The following SNX3 variants were observed in gnomAD, a reference collection of about 807,000 sequenced individuals.
SNX3 encodes sorting nexin-3.
Under a neutral mutation model 17.7 loss-of-function variants are expected in SNX3, and 5 were observed. The ratio of observed to expected loss-of-function variants is 0.28; its 90% confidence interval spans 0.15 to 0.59. The LOEUF is 0.59. SNX3 is among the 20% of genes least tolerant of loss of function. The pLI is 0.88. For missense variants in SNX3, 132 were observed against 206.8 expected, an observed-to-expected ratio of 0.64 and a Z score of 2.22; for synonymous variants, 91 against 76.5, an observed-to-expected ratio of 1.19 and a Z score of -0.99.
intron 1 of SNX3, among the ~76,000 whole-genome samples, chr6:108,230,716 T>C (rs1775120202): frequency 1.3e-5 from 2 of 152,160 alleles, no homozygotes; most frequent in South Asian, 4.1e-4. Flanking sequence ...ATAATCTGGA[T>C]AGCTCTCAAG....
chr6:108,253,841 G>A (rs1775945024), intron 1 of SNX3, among the ~76,000 whole-genome samples: 1 of 151,992 alleles, frequency 6.6e-6, no homozygotes, highest in Non-Finnish European at 1.5e-5. Context: ...AACCACCACT[G>A]CCGGCCGGGC....
chr6:108,241,101 G>A (rs900679107), intron 1 of SNX3, among the ~76,000 whole-genome samples: 9 of 129,346 alleles, frequency 7.0e-5, no homozygotes, highest in Non-Finnish European at 1.2e-4. Flanking sequence ...ACGATTGCGC[G>A]CCACTGCACT....
chr6:108,221,532 CTTTTTTTTTTTTTTTTT>C (rs554429322), intron 2 of SNX3, among the ~76,000 whole-genome samples: 28 of 57,778 alleles, frequency 4.8e-4, no homozygotes, highest in Admixed American at 2.6e-3. Context: ...CAGTATTACA[CTTTTTTTTTTTTTTTTT>C]TTTTTTTTTT....
intron 1 of SNX3, among the ~76,000 whole-genome samples, chr6:108,254,997 A>C (rs1200528437): frequency 6.6e-6 from 1 of 152,164 alleles, no homozygotes; most frequent in Non-Finnish European, 1.5e-5. Flanking sequence ...AATATTATCT[A>C]CTCTGCTTGG....
chr6:108,216,668 A>T (rs1774589732), intron 2 of SNX3, among the ~76,000 whole-genome samples: 1 of 152,238 alleles, frequency 6.6e-6, no homozygotes. Flanking sequence ...CAAATTACAC[A>T]TATTCAAAAA....
At chr6:108,258,721 C>A (rs937553176) in intron 1 of SNX3, among the ~76,000 whole-genome samples, 1 of 152,090 alleles carries the variant, frequency 6.6e-6, no homozygotes, top group African/African-American at 2.4e-5. Flanking sequence ...GTTGCCCAGG[C>A]TGGTCTCAAA....
At chr6:108,237,315 A>C (rs527383972) in intron 1 of SNX3, among the ~76,000 whole-genome samples, 16 of 152,100 alleles carry the variant, frequency 1.1e-4, no homozygotes, top group Admixed American at 3.9e-4. Flanking sequence ...TGAGTTGCAG[A>C]GTTTGTAAGA....
chr6:108,234,983 T>C (rs944553776), intron 1 of SNX3, among the ~76,000 whole-genome samples: 3 of 152,212 alleles, frequency 2.0e-5, no homozygotes, highest in African/African-American at 7.2e-5. Flanking sequence ...AGACTATAAA[T>C]GTTAAGTCTT....
chr6:108,219,947 C>T (rs1243437882), intron 2 of SNX3, among the ~76,000 whole-genome samples: 1 of 152,036 alleles, frequency 6.6e-6, no homozygotes, highest in African/African-American at 2.4e-5. Flanking sequence ...TCTTGGTGAT[C>T]CTGACTCTGT....
chr6:108,220,100 G>C (rs1378597874), intron 2 of SNX3, among the ~76,000 whole-genome samples: 2 of 152,112 alleles, frequency 1.3e-5, no homozygotes, highest in African/African-American at 4.8e-5. Context: ...TTTAAGCTAA[G>C]TGTTATTACA....
chr6:108,250,873 T>A (rs145032380), intron 1 of SNX3, among the ~76,000 whole-genome samples: 6 of 152,348 alleles, frequency 3.9e-5, no homozygotes, highest in Non-Finnish European at 8.8e-5. Flanking sequence ...ACCATTCCAA[T>A]ACTGCTGGAC....
intron 1 of SNX3, among the ~76,000 whole-genome samples, chr6:108,260,540 G>C (rs1038986661): frequency 6.6e-6 from 1 of 152,136 alleles, no homozygotes; most frequent in Admixed American, 6.5e-5. Context: ...CCTCCTCTTC[G>C]AGCACCTTCT....
rs987852077 is a variant in SNX3, at chr6:108,229,277, A to T, written c.163-6232T>A. Among the ~76,000 whole-genome samples, 266 of 152,086 alleles carry T rather than the reference A, an allele frequency of 1.7e-3. 2 individuals carry two copies. Among genetic ancestry groups the T allele is most frequent in the African/African-American group, 6.2e-3 (257 of 41,464 alleles). ...TCCACCTCAAAAAAAAAAAAAAAAA[A>T]AAAGTTTCAGAACAGTATATTATAT... is the stretch of plus-strand genomic sequence containing the variant. On this transcript the variant is annotated intron_variant, in intron 1 of 3. Transcript: ENST00000230085.
At chr6:108,238,347 A>C (rs1775416298) in intron 1 of SNX3, among the ~76,000 whole-genome samples, 1 of 152,208 alleles carries the variant, frequency 6.6e-6, no homozygotes, top group African/African-American at 2.4e-5. Flanking sequence ...AAGAGAGTAC[A>C]TAATCTTTGG....
At position 108,223,163 on chromosome 6, in the gene SNX3, G is replaced by C. The variant is rs12524095; in HGVS notation, c.163-118C>G. On this transcript the variant is annotated intron_variant, in intron 1 of 3. Transcript: ENST00000230085. ...ACTTTCTTTTTCTTTTTTTGAGACAGAATCTCCCTTTGTTGCCTAGGCTGG... is the reference window on the plus strand; with the variant it reads ...ACTTTCTTTTTCTTTTTTTGAGACACAATCTCCCTTTGTTGCCTAGGCTGG... 2,783 of 625,566 alleles carry C rather than the reference G, an allele frequency of 4.4e-3. 70 individuals carry two copies. In the East Asian group the frequency reaches 0.054, roughly 12 times the overall value. 38.8% of individuals were successfully genotyped at this position (625,566 alleles called of 1,614,324 possible). A position where few individuals can be genotyped will look rare whatever the true frequency, so the allele number is the denominator to read the frequency against.
chr6:108,260,846 TG>T lies in SNX3; in HGVS notation c.75del (p.Ser26AlafsTer8). ...CTCACATCGATCTCGAGGAAGTTGC[TG>T]GGGGGTCCGTAGGCGTCATTCAGGT... is the stretch of plus-strand genomic sequence containing the variant. ...PQNLNDAYGP[P>X]SNFLEIDVSN... is the part of the protein sequence containing the mutation. On this transcript the variant is annotated frameshift_variant, in exon 1 of 4. Transcript: ENST00000230085. LOFTEE classifies it high-confidence loss of function. The T allele has an allele frequency of 2.5e-6, 4 of 1,613,496 alleles. No homozygotes were observed. The highest frequency in any genetic ancestry group is 3.4e-6 in the Non-Finnish European group (4 of 1,179,672).
At chr6:108,237,303 TC>T (rs1296230700) in intron 1 of SNX3, among the ~76,000 whole-genome samples, 4 of 152,200 alleles carry the variant, frequency 2.6e-5, no homozygotes, top group Admixed American at 6.5e-5. Flanking sequence ...TCCCCTCTAC[TC>T]TGAGTTGCAG....
At chr6:108,248,053 G>A (rs1451253240) in intron 1 of SNX3, among the ~76,000 whole-genome samples, 1 of 152,210 alleles carries the variant, frequency 6.6e-6, no homozygotes, top group Admixed American at 6.5e-5. Context: ...AATCACTCCA[G>A]TATTATTACT....
intron 1 of SNX3, among the ~76,000 whole-genome samples, chr6:108,234,494 T>A (rs1775264977): frequency 1.3e-5 from 2 of 152,224 alleles, no homozygotes; most frequent in African/African-American, 2.4e-5. Flanking sequence ...GAGGTTGCGG[T>A]GAGCCAAAAT....
Sources: gnomAD v4.1 joint callset for allele counts (sites outside exome capture counted in the v4.1 genomes callset) on GRCh38, gnomAD v4.1.1 for gene constraint, MANE v1.5 for transcripts, NCBI Gene and HGNC (gene_info 2026-07-23, HGNC 2026-07-21) for gene names.